Variants in CFAP91 observed in about 807,000 individuals in gnomAD.
CFAP91 encodes cilia- and flagella-associated protein 91.
CFAP91 carries 85 observed loss-of-function variants against 95.9 expected under a neutral mutation model. That is an observed-to-expected ratio of 0.89 (90% CI 0.74 to 1.06). The LOEUF (loss-of-function observed/expected upper bound fraction) is 1.06. CFAP91 is among the 50% of genes least tolerant of loss of function. The pLI, the probability that CFAP91 is intolerant of heterozygous loss-of-function variation, is 0.00. For synonymous variants in CFAP91, 335 were observed against 327.5 expected (o/e 1.02, Z -0.25); for missense variants, 962 against 943.4 (o/e 1.02, Z -0.26).
At chr3:119,741,754 C>T (rs1194980166) in intron 13 of CFAP91, among the ~76,000 whole-genome samples, 2 of 152,172 alleles carry the variant, frequency 1.3e-5, no homozygotes, top group African/African-American at 4.8e-5. Context: ...TAGCAACATA[C>T]ATAACTCTTG....
Position 119,707,389 on chromosome 3 carries a change from C to A in CFAP91, c.202-15C>A. On this transcript the variant is annotated splice_polypyrimidine_tract_variant and intron_variant, in intron 2 of 17. Coordinates refer to ENST00000273390, the MANE Select transcript of CFAP91 (RefSeq NM_033364.4). The stretch of plus-strand genomic sequence containing the variant: ...TGGTATAATTTTGTCCTTTGCCTCC[C>A]TTCTCTAACATTAGAGAAAAGTTCC... 1 of 1,517,184 alleles carries A rather than the reference C, an allele frequency of 6.6e-7. No individual in the cohort carries two copies. Among genetic ancestry groups the A allele is most frequent in the South Asian group, 1.3e-5 (1 of 76,768 alleles). The allele number at this position is 1,517,184 out of a possible 1,614,324, so 94.0% of individuals were successfully genotyped here. A position where few individuals can be genotyped will look rare whatever the true frequency, so the allele number is the denominator to read the frequency against.
At chr3:119,751,933 A>T (rs9837808) in intron 17 of CFAP91, among the ~76,000 whole-genome samples, 2,510 of 152,328 alleles carry the variant, frequency 0.016, 62 homozygotes, top group African/African-American at 0.057. Context: ...TATTAGGTAT[A>T]CATTCCTCCC....
At position 119,720,411 on chromosome 3, in the gene CFAP91, A is replaced by G. The variant is rs201268443; in HGVS notation, c.682+4668A>G. ...GACTCTGTCTCAAAAAAAAAAAAAG[A>G]AAAGAAAACTTAGATAAATTATACA... On this transcript the variant is annotated intron_variant, in intron 6 of 17. Coordinates refer to ENST00000273390, the MANE Select transcript of CFAP91 (RefSeq NM_033364.4). Among the ~76,000 whole-genome samples, 48 of 108,398 alleles carry G rather than the reference A, an allele frequency of 4.4e-4. 1 individual carries two copies. The East Asian group carries it at 9.4e-3, about 21-fold the overall frequency. The allele number at this position is 108,398 out of a possible 152,430, so 71.1% of individuals were successfully genotyped here.
intron 5 of CFAP91, among the ~76,000 whole-genome samples, chr3:119,714,603 A>G (rs2053540867): frequency 1.3e-5 from 2 of 151,960 alleles, no homozygotes; most frequent in Non-Finnish European, 2.9e-5. Context: ...TTATCTTCTC[A>G]TATGTTTGTT....
chr3:119,721,527 A>G (rs1209870683), intron 6 of CFAP91, among the ~76,000 whole-genome samples: 4 of 152,228 alleles, frequency 2.6e-5, no homozygotes, highest in African/African-American at 9.6e-5. Flanking sequence ...ATTTGGGAAT[A>G]TGAGTGGCAT....
At chr3:119,760,921 GAAGA>G (rs1262781373) in intron 17 of CFAP91, among the ~76,000 whole-genome samples, 5 of 147,878 alleles carry the variant, frequency 3.4e-5, no homozygotes, top group African/African-American at 1.2e-4. Flanking sequence ...CATCGAAAAA[GAAGA>G]AAGATCTCAA....
chr3:119,751,048 A>G lies in CFAP91; in HGVS notation c.2255A>G (p.Asn752Ser). ...LTEGEQDEAS[N>S]AAMLLEKETQ... is the part of the protein sequence containing the mutation. ...GAGGGAGAGCAAGATGAGGCCTCAA[A>G]TGCTGCCATGTTACTTGAGAAAGAA... is the stretch of plus-strand genomic sequence containing the variant. The change falls in exon 17 of 18, where the codon AAT becomes AGT. Residue 752 changes from asparagine to serine, a missense_variant. By Grantham distance (46) the Asn-to-Ser change is conservative. Transcript: ENST00000273390. 1.2e-6 allele frequency: 2 copies of G among 1,613,342 alleles called. No individual in the cohort carries two copies. Among genetic ancestry groups the G allele is most frequent in the Non-Finnish European group, 8.5e-7 (1 of 1,179,670 alleles).
intron 16 of CFAP91, chr3:119,750,736 G>A: frequency 1.7e-6 from 1 of 581,342 alleles, no homozygotes. Context: ...GCTGAGGAGT[G>A]GAATGGAGGC....
At chr3:119,738,463 G>A (rs576014400) in intron 11 of CFAP91, among the ~76,000 whole-genome samples, 19 of 144,746 alleles carry the variant, frequency 1.3e-4, no homozygotes, top group Admixed American at 7.2e-4. Flanking sequence ...ATTCTCCTGC[G>A]TCAGCCTTAT....
At chr3:119,705,408 ACT>A (rs1015035154) in intron 1 of CFAP91, among the ~76,000 whole-genome samples, 4 of 150,870 alleles carry the variant, frequency 2.7e-5, no homozygotes, top group African/African-American at 9.8e-5. Flanking sequence ...CCTCTTATCT[ACT>A]CTCTTTCCCC....
At chr3:119,707,338 T>G in intron 2 of CFAP91, 66 bp from the exon 3 acceptor site, 1 of 1,187,128 alleles carries the variant, frequency 8.4e-7, no homozygotes, top group Non-Finnish European at 1.2e-6. Context: ...GTTTACAATG[T>G]AATTAAAATG....
chr3:119,760,641 A>G (rs1369039575), intron 17 of CFAP91, among the ~76,000 whole-genome samples: 4 of 151,842 alleles, frequency 2.6e-5, no homozygotes, highest in Non-Finnish European at 5.9e-5. Flanking sequence ...TAATAAGCCT[A>G]ACAAACTTAA....
At chr3:119,715,267 G>T in intron 5 of CFAP91, 3 of 488,004 alleles carry the variant, frequency 6.1e-6, no homozygotes, top group Non-Finnish European at 1.1e-5. Context: ...CAGCATTCTA[G>T]AATAGCTCTG....
rs2053938198 is a variant in CFAP91, at chr3:119,733,307, C to T, written c.1202-57C>T. 11 of 1,575,194 alleles carry T rather than the reference C, an allele frequency of 7.0e-6. No homozygotes were observed. The Admixed American group carries it at 1.1e-4, about 16-fold the overall frequency. On this transcript the variant is annotated intron_variant, in intron 9 of 17. Transcript: ENST00000273390. ...ACAGCTACAAAAGTTAACAATATACCTTAAAAATAATAAACGTAAGCACTG... is the reference window on the plus strand; with the variant it reads ...ACAGCTACAAAAGTTAACAATATACTTTAAAAATAATAAACGTAAGCACTG...
At chr3:119,758,396 C>T (rs1319186604) in intron 17 of CFAP91, among the ~76,000 whole-genome samples, 1 of 152,164 alleles carries the variant, frequency 6.6e-6, no homozygotes, top group African/African-American at 2.4e-5. Context: ...TAATGTATTT[C>T]CTATGCTATG....
intron 11 of CFAP91, 51 bp from the exon 12 acceptor site, chr3:119,739,204 C>A: frequency 7.0e-7 from 1 of 1,438,688 alleles, no homozygotes; most frequent in Non-Finnish European, 9.8e-7. Flanking sequence ...ATATTTGATG[C>A]TTGGACTACT....
In CFAP91 at chr3:119,726,319, G is replaced by A; in HGVS notation, c.831G>A (p.Glu277=). The A allele has an allele frequency of 6.2e-7, 1 of 1,613,468 alleles. No homozygotes were observed. The highest frequency in any genetic ancestry group is 8.5e-7 in the Non-Finnish European group (1 of 1,179,744). The change falls in exon 7 of 18, where the codon GAG becomes GAA. Residue 277 remains glutamate (E), a synonymous_variant. Coordinates refer to ENST00000273390, the MANE Select transcript of CFAP91 (RefSeq NM_033364.4). ...TGATGAATGAAATGGAGAGGAAGGA[G>A]TGGGCCTTCAGAGAGCAGGAGATTG... The part of the protein sequence containing the change: ...RKMMNEMERK[E]WAFREQEIEK...
chr3:119,718,952 C>T (rs2053629681), intron 6 of CFAP91, among the ~76,000 whole-genome samples: 1 of 151,014 alleles, frequency 6.6e-6, no homozygotes, highest in African/African-American at 2.4e-5. Context: ...AACGGAAATG[C>T]ATAGGAGTGT....
Position 119,747,241 on chromosome 3 carries a change from A to G in CFAP91, c.2029A>G (p.Ile677Val). 2 of 1,613,558 alleles carry G rather than the reference A, an allele frequency of 1.2e-6. No individual in the cohort carries two copies. Among genetic ancestry groups the G allele is most frequent in the South Asian group, 2.2e-5 (2 of 90,932 alleles). ...GAAGATGGCTGAGAAAATCAATGAC[A>G]TTGCTTATGAAATGGAAAGCCGGTG... ...IEKMAEKINDIAYEMESRRTY... is the reference protein window; with the variant it reads ...IEKMAEKINDVAYEMESRRTY... Residue 677 changes from isoleucine to valine, a missense_variant, in exon 15 of 18, where the codon ATT becomes GTT. Ile to Val is a conservative substitution (Grantham distance 29, BLOSUM62 3). Coordinates refer to ENST00000273390, the MANE Select transcript of CFAP91 (RefSeq NM_033364.4).
Sources: gnomAD v4.1 joint callset for allele counts (sites outside exome capture counted in the v4.1 genomes callset) on GRCh38, gnomAD v4.1.1 for gene constraint, MANE v1.5 for transcripts, NCBI Gene and HGNC (gene_info 2026-07-23, HGNC 2026-07-21) for gene names.